The following TTC28 variants were observed in gnomAD, a reference collection of about 807,000 sequenced individuals.
TTC28 encodes the protein tetratricopeptide repeat domain 28, also known as tetratricopeptide repeat protein 28.
Under a neutral mutation model 198.0 loss-of-function variants are expected in TTC28, and 61 were observed. The ratio of observed to expected loss-of-function variants is 0.31; its 90% CI spans 0.25 to 0.38. The LOEUF is 0.38. Among genes scored for constraint, TTC28 ranks in the 10% least tolerant of loss-of-function variants. The pLI is 1.00. For synonymous variants in TTC28, 1,171 were observed against 1,297.8 expected, an observed-to-expected ratio of 0.90 and a Z score of 2.10; for missense variants, 2,678 against 3,164.0, an observed-to-expected ratio of 0.85 and a Z score of 3.69.
At chr22:28,128,045 GA>G (rs1942959863) in intron 6 of TTC28, among the ~76,000 whole-genome samples, 1 of 152,088 alleles carries the variant, frequency 6.6e-6, no homozygotes, top group Non-Finnish European at 1.5e-5. Context: ...TTCATTTCTA[GA>G]TACCTGTAAC....
chr22:28,626,583 C>T (rs2051080026), intron 2 of TTC28, among the ~76,000 whole-genome samples: 1 of 151,688 alleles, frequency 6.6e-6, no homozygotes, highest in South Asian at 2.1e-4. Context: ...TGAGTATATG[C>T]CTAGAAAAAT....
intron 6 of TTC28, among the ~76,000 whole-genome samples, chr22:28,114,727 G>A (rs557073889): frequency 6.6e-6 from 1 of 151,834 alleles, no homozygotes; most frequent in Admixed American, 6.6e-5. Context: ...CTATAGCTGT[G>A]CACCACTGTG....
At chr22:28,379,525 A>G (rs999139949) in intron 2 of TTC28, among the ~76,000 whole-genome samples, 3 of 152,234 alleles carry the variant, frequency 2.0e-5, no homozygotes, top group East Asian at 1.9e-4. Flanking sequence ...GCTAGTCATA[A>G]AAAAGACAAA....
chr22:28,334,008 C>G (rs573454664), intron 2 of TTC28, among the ~76,000 whole-genome samples: 1 of 127,724 alleles, frequency 7.8e-6, no homozygotes, highest in East Asian at 2.8e-4. Flanking sequence ...ACCCTCCCCC[C>G]ACCCCACAAC....
chr22:28,654,869 T>C (rs2051619602), intron 1 of TTC28, among the ~76,000 whole-genome samples: 1 of 152,242 alleles, frequency 6.6e-6, no homozygotes, highest in Admixed American at 6.5e-5. Context: ...CTCTACTTAA[T>C]ATGTTCCTCT....
chr22:28,046,783 C>T (rs1048369062), intron 12 of TTC28, among the ~76,000 whole-genome samples: 5 of 152,104 alleles, frequency 3.3e-5, no homozygotes, highest in African/African-American at 1.2e-4. Flanking sequence ...ACACAGGCTA[C>T]CTGTACACAT....
chr22:28,614,407 C>T (rs1217463286), intron 2 of TTC28, among the ~76,000 whole-genome samples: 1 of 152,184 alleles, frequency 6.6e-6, no homozygotes, highest in East Asian at 1.9e-4. Flanking sequence ...CCCCATCAAG[C>T]TACCATTAAC....
At chr22:28,069,969 A>AC (rs1940905003) in intron 12 of TTC28, among the ~76,000 whole-genome samples, 1 of 126,090 alleles carries the variant, frequency 7.9e-6, no homozygotes, top group Non-Finnish European at 1.7e-5. Flanking sequence ...CACACACACA[A>AC]ATGCCCCTTG....
rs565152049 is a variant in TTC28 at position 28,018,204 on chromosome 22, C to T, written c.4074-3812G>A. ...ACGGGGCCCCTTGCATTCAGGCAGG[C>T]GGTCCTTTGAGAATACTCCTCTGAT... On this transcript the variant is annotated intron_variant, in intron 13 of 22. Transcript: ENST00000397906. Among the ~76,000 whole-genome samples, 19 of 146,548 alleles carry T rather than the reference C, an allele frequency of 1.3e-4. No individual in the cohort carries two copies. In the East Asian group the frequency reaches 3.3e-3, roughly 25 times the overall value.
intron 1 of TTC28, among the ~76,000 whole-genome samples, chr22:28,654,431 G>A (rs1177472981): frequency 6.6e-6 from 1 of 152,210 alleles, no homozygotes; most frequent in African/African-American, 2.4e-5. Flanking sequence ...GGGTTCAAGC[G>A]ATTCTCCTGC....
chr22:28,490,070 C>T (rs2048355970), intron 2 of TTC28, among the ~76,000 whole-genome samples: 1 of 152,066 alleles, frequency 6.6e-6, no homozygotes, highest in Non-Finnish European at 1.5e-5. Flanking sequence ...CGTTTTTCTG[C>T]CTGCTTTATA....
At chr22:28,451,743 G>A (rs972754429) in intron 2 of TTC28, among the ~76,000 whole-genome samples, 1 of 152,120 alleles carries the variant, frequency 6.6e-6, no homozygotes, top group Non-Finnish European at 1.5e-5. Flanking sequence ...CTATGACTAT[G>A]TTATAAATTT....
At chr22:28,577,058 T>C (rs1286961822) in intron 2 of TTC28, among the ~76,000 whole-genome samples, 1 of 152,106 alleles carries the variant, frequency 6.6e-6, no homozygotes, top group African/African-American at 2.4e-5. Flanking sequence ...AGATGCATTG[T>C]TAGATTGTTT....
Position 27,983,120 on chromosome 22 carries a change from T to C in TTC28, c.6547A>G (p.Ser2183Gly). ...HLIAVERLQR[S>G]GGQVSKSNNP... ...TTACTCTTGCTCACCTGGCCGCCGC[T>C]CCTCTGAAGACGCTCCACCGCAATG... Residue 2183 changes from serine to glycine, a missense_variant, in exon 23 of 23, where the codon AGC becomes GGC. Transcript: ENST00000397906. 1 of 1,551,772 alleles carries C rather than the reference T, an allele frequency of 6.4e-7. No individual in the cohort carries two copies. The highest frequency in any genetic ancestry group is 8.7e-7 in the Non-Finnish European group (1 of 1,147,018).
intron 5 of TTC28, among the ~76,000 whole-genome samples, chr22:28,284,977 G>A (rs1162817036): frequency 1.3e-5 from 2 of 152,190 alleles, no homozygotes; most frequent in East Asian, 3.8e-4. Context: ...TTATGATCCA[G>A]CAATTCTACG....
intron 2 of TTC28, among the ~76,000 whole-genome samples, chr22:28,467,087 AAAATGTAATCAAATTCT>A (rs1371346066): frequency 6.6e-6 from 1 of 152,222 alleles, no homozygotes; most frequent in Non-Finnish European, 1.5e-5. Flanking sequence ...GGAATTCTTG[AAAATGTAATCAAATTCT>A]AAACGAATGC....
In TTC28 at chr22:28,253,158, A is replaced by C. The variant is rs561988544; in HGVS notation, c.933+43040T>G. Among the ~76,000 whole-genome samples the C allele has an allele frequency of 1.9e-3, 288 of 152,362 alleles. 1 individual carries two copies. Among genetic ancestry groups the C allele is most frequent in the Non-Finnish European group, 3.4e-3 (228 of 68,028 alleles). On this transcript the variant is annotated intron_variant, in intron 5 of 22. Transcript: ENST00000397906. Reference sequence around the variant, plus strand: ...TTTTCTAAATATAGCTTAAATAAAAAGCAATCATATAAAACAATATATGCA... The same window carrying C: ...TTTTCTAAATATAGCTTAAATAAAACGCAATCATATAAAACAATATATGCA...
chr22:28,094,174 TG>T lies in TTC28; in HGVS notation c.3837del (p.Ser1279ArgfsTer4). On this transcript the variant is annotated frameshift_variant, in exon 12 of 23. Transcript: ENST00000397906. LOFTEE classifies it high-confidence loss of function. ...TVENSSDFQA[S>X]SSVTLPTATG... is the part of the protein sequence containing the mutation. ...GTTGCTGTTGGAAGGGTTACACTGC[TG>T]CTGGCCTGGAAGTCACTTGAGTTTT... The T allele has an allele frequency of 6.4e-7, 1 of 1,551,690 alleles. No individual in the cohort carries two copies. The highest frequency in any genetic ancestry group is 1.2e-5 in the South Asian group (1 of 84,060).
At chr22:28,216,844 T>C (rs555824481) in intron 5 of TTC28, among the ~76,000 whole-genome samples, 1 of 152,174 alleles carries the variant, frequency 6.6e-6, no homozygotes, top group South Asian at 2.1e-4. Flanking sequence ...ACCTCAGCCT[T>C]CCGAGTAGCT....
Sources: allele counts gnomAD v4.1 joint callset (sites outside exome capture counted in the v4.1 genomes callset), GRCh38; gene constraint gnomAD v4.1.1; transcripts MANE v1.5; gene names NCBI Gene and HGNC (gene_info 2026-07-23, HGNC 2026-07-21).